Variants in ADGRE2 observed in about 807,000 individuals in gnomAD.
The protein encoded by ADGRE2 is CD97 antigen.
A neutral mutation model predicts 100.8 loss-of-function variants in ADGRE2; 83 were observed. That is an observed-to-expected ratio of 0.82 (90% CI 0.69 to 0.99). ADGRE2 has a LOEUF of 0.99. ADGRE2 is among the 50% of genes least tolerant of loss of function. The pLI is 0.00. For missense variants in ADGRE2, 814 were observed against 1,035.7 expected (o/e 0.79, Z 2.94); for synonymous variants, 355 against 413.0 (o/e 0.86, Z 1.70).
Position 14,765,880 on chromosome 19 carries a change from C to T in ADGRE2, c.635-76G>A, listed in dbSNP as rs953792009. The T allele has an allele frequency of 1.9e-5, 31 of 1,611,740 alleles. No homozygotes were observed. The East Asian group carries it at 3.8e-4, about 20-fold the overall frequency. ...CTGTCTCCTGTCTGTGCCCCCAGCT[C>T]GTTCCTCCCGGCATTAGTGCCCCCC... On this transcript the variant is annotated intron_variant, in intron 7 of 20. Coordinates refer to ENST00000315576, the MANE Select transcript of ADGRE2 (RefSeq NM_013447.4).
downstream of ADGRE2, chr19:14,731,931 C>G (rs1683741292): frequency 1.3e-5 from 2 of 152,164 alleles, no homozygotes; most frequent in African/African-American, 4.8e-5. Context: ...CTCTGACCTT[C>G]CTTCCCCAAC....
At position 14,743,727 on chromosome 19, in the gene ADGRE2, C is replaced by G; in HGVS notation, c.2241G>C (p.Leu747=). Residue 747 remains leucine, a synonymous_variant, in exon 19 of 21, where the codon CTG becomes CTC. Coordinates refer to ENST00000315576, the MANE Select transcript of ADGRE2 (RefSeq NM_013447.4). ...QLFILGCTWC[L]GILQVGPAAR... The stretch of plus-strand genomic sequence containing the variant: ...CAGCCGGACCCACCTGCAAGATGCC[C>G]AGACACCACGTGCAGCCCAGGATGA... 1 of 1,614,178 alleles carries G rather than the reference C, an allele frequency of 6.2e-7. No homozygotes were observed.
At chr19:14,764,321 G>A (rs960882056) in intron 11 of ADGRE2, 112 bp downstream of exon 11, 18 of 915,372 alleles carry the variant, frequency 2.0e-5, no homozygotes, top group African/African-American at 8.3e-5. Flanking sequence ...TTAGTTTGTC[G>A]ATGAGAGTAA....
chr19:14,778,345 G>T lies in ADGRE2; in HGVS notation c.-260C>A, dbSNP rs35633295. The T allele has an allele frequency of 0.22, 45,890 of 211,862 alleles. 5,858 individuals are homozygous for T. The highest frequency in any genetic ancestry group is 0.37 in the African/African-American group (15,904 of 42,676). 13.1% of individuals were successfully genotyped at this position (211,862 alleles called of 1,614,324 possible). On this transcript the variant is annotated 5_prime_UTR_variant, in exon 1 of 21. Transcript: ENST00000315576. ...AATCACCCGAGCTGGGGAGTTTGAG[G>T]CTGCGGTGAGCTAAGATGGTGCCAC...
chr19:14,755,196 G>A (rs1368798294), intron 13 of ADGRE2, 69 bp from the exon 14 acceptor site: 1 of 1,510,206 alleles, frequency 6.6e-7, no homozygotes, highest in African/African-American at 1.4e-5. Flanking sequence ...CACTTTGGGA[G>A]GCTGAAGCAG....
In ADGRE2 at chr19:14,736,210, G is replaced by T; in HGVS notation, c.*26C>A. The T allele has an allele frequency of 6.3e-7, 1 of 1,580,596 alleles. No individual in the cohort carries two copies. The highest frequency in any genetic ancestry group is 8.7e-7 in the Non-Finnish European group (1 of 1,150,614). On this transcript the variant is annotated 3_prime_UTR_variant, in exon 21 of 21. Coordinates refer to ENST00000315576, the MANE Select transcript of ADGRE2 (RefSeq NM_013447.4). ...TGTTCAGATTTTCCACGGGCAAAGA[G>T]GGAAGATCTTATTCAGAAGATTTTT... is the stretch of plus-strand genomic sequence containing the variant.
At chr19:14,751,398 T>C in intron 16 of ADGRE2, 38 bp downstream of exon 16, 2 of 1,497,922 alleles carry the variant, frequency 1.3e-6, no homozygotes, top group Non-Finnish European at 1.9e-6. Flanking sequence ...GCCATGGTTA[T>C]GCCGGAGAAG....
chr19:14,754,485 A>ATCTATCTGTCTATCTT (rs1248880509), intron 14 of ADGRE2, among the ~76,000 whole-genome samples: 1 of 142,858 alleles, frequency 7.0e-6, no homozygotes, highest in East Asian at 2.1e-4. Context: ...CTATCTATCT[A>ATCTATCTGTCTATCTT]TCTATTCCAT....
At chr19:14,749,053 T>C (rs2043179481) in intron 16 of ADGRE2, among the ~76,000 whole-genome samples, 1 of 151,544 alleles carries the variant, frequency 6.6e-6, no homozygotes, top group Admixed American at 6.6e-5. Flanking sequence ...ACATTATAGT[T>C]ATATAATTAT....
chr19:14,745,505 TTCTA>T (rs2043059894), intron 18 of ADGRE2, among the ~76,000 whole-genome samples: 1 of 152,194 alleles, frequency 6.6e-6, no homozygotes, highest in Admixed American at 6.5e-5. Context: ...AACTTATTCC[TTCTA>T]TCTGACTGTA....
chr19:14,745,814 C>T (rs11881544), intron 18 of ADGRE2, among the ~76,000 whole-genome samples: 14,372 of 152,144 alleles, frequency 0.094, 2,302 homozygotes, highest in African/African-American at 0.33. Context: ...TCAGCTTCTT[C>T]GGCTCCTCTC....
intron 5 of ADGRE2, 159 bp downstream of exon 5, chr19:14,772,183 C>T: frequency 1.9e-6 from 2 of 1,069,314 alleles, no homozygotes; most frequent in Non-Finnish European, 2.7e-6. Flanking sequence ...CACGCTGCCT[C>T]TCTGGGCTGG....
Position 14,765,671 on chromosome 19 carries a change from G to A in ADGRE2, c.768C>T (p.Asp256=), listed in dbSNP as rs112937438. ...GCCAGGTCATACCTTCACAGACAGT[G>A]TCCTTTTGGTTATTCGGGATTCCGT... ...PRHGIPNNQK[D]TVCEDMTFST... Residue 256 remains aspartate (D), a synonymous_variant, in exon 8 of 21, where the codon GAC becomes GAT. Transcript: ENST00000315576. The A allele has an allele frequency of 0.022, 35,403 of 1,605,400 alleles. 57 individuals are homozygous for A. The highest frequency in any genetic ancestry group is 0.056 in the South Asian group (5,040 of 89,722).
At position 14,766,244 on chromosome 19, in the gene ADGRE2, C is replaced by T. The variant is rs770972052; in HGVS notation, c.625G>A (p.Val209Ile). 5.2e-5 allele frequency: 84 copies of T among 1,613,976 alleles called. No individual in the cohort carries two copies. The highest frequency in any genetic ancestry group is 2.3e-4 in the South Asian group (21 of 91,086). The change falls in exon 7 of 21, where the codon GTC becomes ATC. Residue 209 changes from valine to isoleucine, a missense_variant. Coordinates refer to ENST00000315576, the MANE Select transcript of ADGRE2 (RefSeq NM_013447.4). ...PGSPNGPNNT[V>I]CEDVDECSSG... ...GATCTGAGCTCTCGACCTTCACAGA[C>T]GGTATTGTTTGGGCCATTGGGGGAC... is the stretch of plus-strand genomic sequence containing the variant.
chr19:14,763,610 C>T, intron 11 of ADGRE2, among the ~76,000 whole-genome samples: 1 of 149,162 alleles, frequency 6.7e-6, no homozygotes. Flanking sequence ...CTCCTCTCCT[C>T]CTCCTCCTGT....
Position 14,774,025 on chromosome 19 carries a change from A to G in ADGRE2, c.112T>C (p.Ser38Pro), listed in dbSNP as rs1193386805. 1 of 1,613,866 alleles carries G rather than the reference A, an allele frequency of 6.2e-7. No homozygotes were observed. Among genetic ancestry groups the G allele is most frequent in the Non-Finnish European group, 8.5e-7 (1 of 1,179,984 alleles). ...CGACAGGCGGTGGCATTGACACACGAGGAGTCCTGAGGGCACCACCGGGCA... is the reference window on the plus strand; with the variant it reads ...CGACAGGCGGTGGCATTGACACACGGGGAGTCCTGAGGGCACCACCGGGCA... ...GCARWCPQDS[S>P]CVNATACRCN... Residue 38 changes from serine to proline, a missense_variant, in exon 4 of 21, where the codon TCG (serine) becomes CCG (proline). Ser to Pro is a moderately conservative substitution (Grantham distance 74). Transcript: ENST00000315576.
chr19:14,736,239 G>C lies in ADGRE2; in HGVS notation c.2469C>G (p.Asn823Lys), dbSNP rs1296677787. 6.4e-7 allele frequency: 1 copy of C among 1,572,704 alleles called. No individual in the cohort carries two copies. Among genetic ancestry groups the C allele is most frequent in the Admixed American group, 1.7e-5 (1 of 59,658 alleles). The part of the protein sequence containing the change: ...KADTSKPSTV[N>K] Reference sequence around the variant, plus strand: ...AGATCTTATTCAGAAGATTTTTCTAGTTAACCTGAAATATATATATATGTA... The same window carrying C: ...AGATCTTATTCAGAAGATTTTTCTACTTAACCTGAAATATATATATATGTA... Residue 823 changes from asparagine (N) to lysine (K), a missense_variant, in exon 21 of 21, where the codon AAC becomes AAG. Physicochemically the swap from Asn to Lys is moderately conservative, Grantham distance 94. Around this residue, in one of 5 missense-constraint regions of ADGRE2, gnomAD observed 569 missense variants for 692.7 expected, o/e 0.82. Coordinates refer to ENST00000315576, the MANE Select transcript of ADGRE2 (RefSeq NM_013447.4).
At chr19:14,751,136 A>T (rs549194424) in intron 16 of ADGRE2, among the ~76,000 whole-genome samples, 1 of 152,288 alleles carries the variant, frequency 6.6e-6, no homozygotes, top group East Asian at 1.9e-4. Context: ...ATAATCTTCT[A>T]GCAGAAAGAT....
downstream of ADGRE2, chr19:14,732,363 C>T (rs1599768829): frequency 6.6e-6 from 1 of 152,104 alleles, no homozygotes; most frequent in East Asian, 1.9e-4. Context: ...ATAGGGTAAG[C>T]ATACTTTTAT....
Sources: allele counts gnomAD v4.1 joint callset (sites outside exome capture counted in the v4.1 genomes callset), GRCh38; gene constraint gnomAD v4.1.1; regional missense constraint gnomAD v4.1.1; transcripts MANE v1.5; gene names NCBI Gene and HGNC (gene_info 2026-07-23, HGNC 2026-07-21).